The following PARD3B variants were observed in gnomAD, a reference collection of about 807,000 sequenced individuals.
PARD3B encodes partitioning defective 3 homolog B.
Under a neutral mutation model 130.2 loss-of-function variants are expected in PARD3B, and 103 were observed. That is an observed-to-expected ratio of 0.79 (90% CI 0.67 to 0.93). The LOEUF (loss-of-function observed/expected upper bound fraction) is 0.93, where lower values mean the gene tolerates loss of function less well. Ranked by LOEUF, PARD3B falls within the 40% of genes least tolerant of loss-of-function variation. The probability of loss-of-function intolerance (pLI) is 0.00; values close to 1 mark genes in which losing one functional copy is unlikely to be tolerated. For missense variants in PARD3B, 1,609 were observed against 1,499.2 expected (o/e 1.07, Z -1.21); for synonymous variants, 583 against 553.2 (o/e 1.05, Z -0.76).
At chr2:205,103,875 C>A in intron 4 of PARD3B, 1 of 290,970 alleles carries the variant, frequency 3.4e-6, no homozygotes, top group Non-Finnish European at 5.1e-6. Context: ...ATTAAATAGG[C>A]AATTTGAATC....
chr2:204,742,772 T>G (rs2040061951), intron 2 of PARD3B, among the ~76,000 whole-genome samples: 1 of 152,216 alleles, frequency 6.6e-6, no homozygotes, highest in Non-Finnish European at 1.5e-5. Context: ...TTAATTCTAC[T>G]TAGTACTGTA....
chr2:204,777,243 T>C (rs965551935), intron 2 of PARD3B, among the ~76,000 whole-genome samples: 3 of 152,170 alleles, frequency 2.0e-5, no homozygotes, highest in South Asian at 2.1e-4. Flanking sequence ...TCATTTTTTT[T>C]CCCCTGGAGC....
rs535323104 is a variant in PARD3B, at chr2:205,235,124, A to T, written c.2141-10654A>T. On this transcript the variant is annotated intron_variant, in intron 15 of 22. Coordinates refer to ENST00000406610, the MANE Select transcript of PARD3B (RefSeq NM_001302769.2). ...ATAAATGACCTCAGCTTTCACTTAA[A>T]AAAATGGTAAGAGAGGCTGTGTGAA... is the stretch of plus-strand genomic sequence containing the variant. Among the ~76,000 whole-genome samples, 7 of 152,280 alleles carry T rather than the reference A, an allele frequency of 4.6e-5. No individual in the cohort carries two copies. In the South Asian group the frequency reaches 8.3e-4, roughly 18 times the overall value.
chr2:205,612,741 A>G (rs971023528), intron 22 of PARD3B, among the ~76,000 whole-genome samples: 2 of 152,220 alleles, frequency 1.3e-5, no homozygotes, highest in Non-Finnish European at 2.9e-5. Context: ...GACAAAGAAC[A>G]GCTACCTCTC....
intron 1 of PARD3B, among the ~76,000 whole-genome samples, chr2:204,627,271 C>T (rs906415228): frequency 1.3e-5 from 2 of 152,084 alleles, no homozygotes; most frequent in East Asian, 1.9e-4. Flanking sequence ...ACTAATACAA[C>T]CTAGATTCTC....
intron 2 of PARD3B, among the ~76,000 whole-genome samples, chr2:204,707,835 A>G (rs902350361): frequency 6.6e-6 from 1 of 152,176 alleles, no homozygotes; most frequent in African/African-American, 2.4e-5. Flanking sequence ...AAATAAAACC[A>G]TCCTATGAGT....
At chr2:205,163,721 A>C (rs1201885336) in intron 11 of PARD3B, among the ~76,000 whole-genome samples, 1 of 152,216 alleles carries the variant, frequency 6.6e-6, no homozygotes, top group African/African-American at 2.4e-5. Context: ...TAACTCCAGT[A>C]GGAGCTCCCA....
Position 205,301,720 on chromosome 2 carries a change from G to A in PARD3B, c.2630+19G>A. On this transcript the variant is annotated intron_variant, in intron 18 of 22. Transcript: ENST00000406610. The surrounding 1 kb of genome is among the most constrained non-coding windows in gnomAD (Gnocchi z 5.2). Reference sequence around the variant, plus strand: ...TGCTGAGGTATGGGCCTGCTTTGAAGGCAAAGTTGGTTCTCATTTTGTCTC... The same window carrying A: ...TGCTGAGGTATGGGCCTGCTTTGAAAGCAAAGTTGGTTCTCATTTTGTCTC... 2 of 1,613,910 alleles carry A rather than the reference G, an allele frequency of 1.2e-6. No homozygotes were observed. Among genetic ancestry groups the A allele is most frequent in the Non-Finnish European group, 1.7e-6 (2 of 1,179,882 alleles).
intron 2 of PARD3B, among the ~76,000 whole-genome samples, chr2:204,865,981 C>A (rs1559211339): frequency 6.6e-6 from 1 of 152,158 alleles, no homozygotes; most frequent in Admixed American, 6.5e-5. Context: ...CAGGACAGAT[C>A]CTGCCTGTGG....
chr2:205,289,368 A>T (rs1411987133), intron 16 of PARD3B, among the ~76,000 whole-genome samples: 2 of 152,218 alleles, frequency 1.3e-5, no homozygotes, highest in Non-Finnish European at 2.9e-5. Flanking sequence ...ACCAAAAAAA[A>T]AATATGATGC....
chr2:205,153,667 A>G (rs1235515832), intron 10 of PARD3B, among the ~76,000 whole-genome samples: 1 of 152,206 alleles, frequency 6.6e-6, no homozygotes, highest in Non-Finnish European at 1.5e-5. Context: ...TACAGTAACC[A>G]AAACAGCATG....
rs570909407 is a variant in PARD3B, at chr2:205,102,792, G to A, written c.505-1634G>A. Among the ~76,000 whole-genome samples the A allele has an allele frequency of 2.5e-4, 38 of 152,134 alleles. 1 individual carries two copies. In the East Asian group the frequency reaches 6.4e-3, roughly 26 times the overall value. Reference sequence around the variant, plus strand: ...CTTTAAAATAATAACTTGGCTGGGCGCGGTGGCTCAAGCCTGTAATCCCAG... The same window carrying A: ...CTTTAAAATAATAACTTGGCTGGGCACGGTGGCTCAAGCCTGTAATCCCAG... On this transcript the variant is annotated intron_variant, in intron 4 of 22. Coordinates refer to ENST00000406610, the MANE Select transcript of PARD3B (RefSeq NM_001302769.2).
chr2:205,513,838 G>A (rs2050685653), intron 21 of PARD3B, among the ~76,000 whole-genome samples: 1 of 152,030 alleles, frequency 6.6e-6, no homozygotes, highest in Non-Finnish European at 1.5e-5. Context: ...TAGTTATGCA[G>A]GAATAAATTG....
intron 1 of PARD3B, among the ~76,000 whole-genome samples, chr2:204,641,176 C>T (rs1194595950): frequency 1.3e-5 from 2 of 148,366 alleles, no homozygotes. Context: ...AAACCAGTAC[C>T]CGAAAGGTCT....
chr2:205,193,118 T>C (rs1352691492), intron 14 of PARD3B, 87 bp from the exon 15 acceptor site: 22 of 849,934 alleles, frequency 2.6e-5, no homozygotes, highest in Non-Finnish European at 3.7e-5. Flanking sequence ...GAGTGATGAG[T>C]GGCTGTGTTC....
At chr2:205,399,025 T>G (rs1409464862) in intron 18 of PARD3B, among the ~76,000 whole-genome samples, 4 of 152,050 alleles carry the variant, frequency 2.6e-5, no homozygotes, top group Admixed American at 2.0e-4. Flanking sequence ...TCCCAGCACT[T>G]TGGGAGGCTA....
intron 3 of PARD3B, among the ~76,000 whole-genome samples, chr2:204,998,335 T>TAC (rs1361578552): frequency 0.4 from 24,924 of 62,058 alleles, 4,435 homozygotes; most frequent in East Asian, 0.57. Context: ...TATATATATA[T>TAC]ATATATATAT....
chr2:205,037,298 A>ATTTGTATAAAATATATATAGTGGACTT (rs1160416211), intron 3 of PARD3B, among the ~76,000 whole-genome samples: 2 of 128,550 alleles, frequency 1.6e-5, no homozygotes, highest in Non-Finnish European at 3.4e-5. Flanking sequence ...ATAGTGGACT[A>ATTTGTATAAAATATATATAGTGGACTT]TTTGTATAAA....
intron 21 of PARD3B, among the ~76,000 whole-genome samples, chr2:205,502,290 C>G (rs1277108669): frequency 6.6e-6 from 1 of 152,104 alleles, no homozygotes; most frequent in Non-Finnish European, 1.5e-5. Context: ...CCCAACAAGG[C>G]AGCTTTTATG....
Sources: gnomAD v4.1 joint callset for allele counts (sites outside exome capture counted in the v4.1 genomes callset) on GRCh38, gnomAD v4.1.1 for gene constraint, Gnocchi (gnomAD v3.1) non-coding constraint, MANE v1.5 for transcripts, NCBI Gene and HGNC (gene_info 2026-07-23, HGNC 2026-07-21) for gene names.